The following SEPTIN9 variants were observed in gnomAD, a reference collection of about 807,000 sequenced individuals.
The protein encoded by SEPTIN9 is septin 9.
Under a neutral mutation model 56.6 loss-of-function variants are expected in SEPTIN9, and 13 were observed. That is an observed-to-expected ratio of 0.23 (90% CI 0.15 to 0.37). SEPTIN9 has a LOEUF of 0.37. Ranked by LOEUF, SEPTIN9 falls within the 10% of genes least tolerant of loss-of-function variation. SEPTIN9 has a pLI of 1.00. For missense variants in SEPTIN9, 650 were observed against 823.1 expected (o/e 0.79, Z 2.57); for synonymous variants, 332 against 334.1 (o/e 0.99, Z 0.07).
rs73369794 is a variant in SEPTIN9, at chr17:77,310,465, C to T, written c.76+3268C>T. Among the ~76,000 whole-genome samples, 5,570 of 146,382 alleles carry T rather than the reference C, an allele frequency of 0.038. 234 individuals carry two copies. Among genetic ancestry groups the T allele is most frequent in the East Asian group, 0.15 (762 of 5,120 alleles). ...TGTAGATCCACGAAGCCTTGGTTCA[C>T]TTATTTTGGCAGCTAGCGAGTGTTC... On this transcript the variant is annotated intron_variant, in intron 2 of 11. Coordinates refer to ENST00000427177, the MANE Select transcript of SEPTIN9 (RefSeq NM_001113491.2). This position sits in a 1 kb window ranked among gnomAD's most constrained non-coding sequence, Gnocchi z 4.7.
At chr17:77,385,001 T>C (rs745382381) in intron 2 of SEPTIN9, among the ~76,000 whole-genome samples, 3 of 152,196 alleles carry the variant, frequency 2.0e-5, no homozygotes, top group Non-Finnish European at 4.4e-5. Context: ...TTTTCGGCTT[T>C]GTGCCTAAAT....
rs550073740 is a variant in SEPTIN9 at position 77,453,882 on chromosome 17, G to T, written c.722-28262G>T. 7 of 189,516 alleles carry T rather than the reference G, an allele frequency of 3.7e-5. No homozygotes were observed. Among genetic ancestry groups the T allele is most frequent in the Non-Finnish European group, 5.9e-5 (6 of 102,292 alleles). 11.7% of individuals were successfully genotyped at this position (189,516 alleles called of 1,614,324 possible). ...CCGTCCTTAGGAGCCCCTTCTCCCT[G>T]CCCCCAGGCCTGGTGCAGTGTGTGG... On this transcript the variant is annotated intron_variant, in intron 3 of 11. Transcript: ENST00000427177. The surrounding 1 kb of genome is among the most constrained non-coding windows in gnomAD (Gnocchi z 4.4).
At chr17:77,290,814 C>CATAAATAAATAA (rs71160222) in intron 1 of SEPTIN9, among the ~76,000 whole-genome samples, 3,548 of 141,444 alleles carry the variant, frequency 0.025, 59 homozygotes, top group Non-Finnish European at 0.034. Context: ...GACCCTGTCT[C>CATAAATAAATAA]ATAAATAAAT....
intron 3 of SEPTIN9, among the ~76,000 whole-genome samples, chr17:77,440,184 T>G (rs1261768109): frequency 1.3e-5 from 2 of 152,182 alleles, no homozygotes; most frequent in Non-Finnish European, 1.5e-5. Flanking sequence ...AGATGGAGTC[T>G]CGCTCCGTCA....
intron 6 of SEPTIN9, 106 bp downstream of exon 6, chr17:77,488,427 C>G: frequency 9.4e-7 from 1 of 1,061,154 alleles, no homozygotes; most frequent in East Asian, 2.5e-5. Context: ...GTGCAGGGCC[C>G]ACCTCCTGGG....
rs780029243 is a variant in SEPTIN9, at chr17:77,497,323, A to G, written c.1582A>G (p.Thr528Ala). 24 of 1,613,716 alleles carry G rather than the reference A, an allele frequency of 1.5e-5. No individual in the cohort carries two copies. Among genetic ancestry groups the G allele is most frequent in the Non-Finnish European group, 1.9e-5 (22 of 1,179,822 alleles). The change falls in exon 11 of 12, where the codon ACC (threonine) becomes GCC (alanine). Residue 528 changes from threonine to alanine, a missense_variant. Coordinates refer to ENST00000427177, the MANE Select transcript of SEPTIN9 (RefSeq NM_001113491.2). Reference protein sequence around the residue: ...TKWGTIEVENTTHCEFAYLRD... With the variant: ...TKWGTIEVENATHCEFAYLRD... Reference sequence around the variant, plus strand: ...CCTGTCTCCTCTCCTAGTTGAAAACACCACACACTGTGAGTTTGCCTACCT... The same window carrying G: ...CCTGTCTCCTCTCCTAGTTGAAAACGCCACACACTGTGAGTTTGCCTACCT...
Position 77,500,565 on chromosome 17 carries a change from GAAAT to G in SEPTIN9, c.*1912_*1915del. The G allele has an allele frequency of 5.2e-6, 1 of 191,880 alleles. No homozygotes were observed. The highest frequency in any genetic ancestry group is 1.1e-5 in the Non-Finnish European group (1 of 91,358). 11.9% of individuals were successfully genotyped at this position (191,880 alleles called of 1,614,324 possible). On this transcript the variant is annotated 3_prime_UTR_variant, in exon 12 of 12. Transcript: ENST00000427177. ...ACAAAGTGTTGAAAATGTATTTCCT[GAAAT>G]AAATGTTTCAAATGCAGAAACCCAG...
In SEPTIN9 at chr17:77,372,512, C is replaced by T. The variant is rs956867948; in HGVS notation, c.77-29547C>T. 3.3e-5 allele frequency among the ~76,000 whole-genome samples: 5 copies of T among 152,224 alleles called. 1 individual carries two copies. Among genetic ancestry groups the T allele is most frequent in the African/African-American group, 1.2e-4 (5 of 41,458 alleles). ...AGCTCCCTTTCTGCTCACTCACTGC[C>T]TAGCTCCTTCCTTCACACCTTCCTT... On this transcript the variant is annotated intron_variant, in intron 2 of 11. Coordinates refer to ENST00000427177, the MANE Select transcript of SEPTIN9 (RefSeq NM_001113491.2).
chr17:77,487,812 TGGCTGGGGATG>T lies in SEPTIN9; in HGVS notation c.1042+272_1042+282del, dbSNP rs752525586. Among the ~76,000 whole-genome samples, 23 of 151,840 alleles carry T rather than the reference TGGCTGGGGATG, an allele frequency of 1.5e-4. No individual in the cohort carries two copies. Among genetic ancestry groups the T allele is most frequent in the Non-Finnish European group, 2.9e-4 (20 of 67,934 alleles). ...GGTCAAGACCATCACACACGGTCAG[TGGCTGGGGATG>T]GGCTGGGGATGTGGGATACCCATGC... On this transcript the variant is annotated intron_variant, in intron 5 of 11. Transcript: ENST00000427177. This position sits in a 1 kb window ranked among gnomAD's most constrained non-coding sequence, Gnocchi z 4.3.
chr17:77,287,280 A>C (rs1186372195), intron 1 of SEPTIN9, among the ~76,000 whole-genome samples: 4 of 152,148 alleles, frequency 2.6e-5, no homozygotes, highest in Non-Finnish European at 5.9e-5. Context: ...GGGAGCAGTG[A>C]AGTGCCCCCG....
chr17:77,460,659 T>TTGGG (rs2038428808), intron 3 of SEPTIN9, among the ~76,000 whole-genome samples: 1 of 152,122 alleles, frequency 6.6e-6, no homozygotes, highest in Non-Finnish European at 1.5e-5. Flanking sequence ...GGGGCTCCTG[T>TTGGG]GGTCATTTCC....
intron 1 of SEPTIN9, among the ~76,000 whole-genome samples, chr17:77,304,644 A>G (rs1171147946): frequency 2.0e-5 from 3 of 152,244 alleles, no homozygotes; most frequent in Non-Finnish European, 4.4e-5. Context: ...ATCCTCAGGA[A>G]CGTGTGTCCT....
chr17:77,316,278 T>TA (rs1228304128), intron 2 of SEPTIN9, among the ~76,000 whole-genome samples: 6 of 152,156 alleles, frequency 3.9e-5, no homozygotes, highest in Non-Finnish European at 7.3e-5. Context: ...CTGCTGGCCT[T>TA]ACCTCACCAC....
intron 2 of SEPTIN9, 35 bp downstream of exon 2, chr17:77,307,232 T>C: frequency 6.3e-7 from 1 of 1,581,496 alleles, no homozygotes; most frequent in Non-Finnish European, 8.7e-7. Flanking sequence ...CCCACCCAGC[T>C]CATGGGTGTG....
Position 77,319,373 on chromosome 17 carries a change from G to C in SEPTIN9, c.76+12176G>C, listed in dbSNP as rs999741764. 1.7e-5 allele frequency: 4 copies of C among 232,164 alleles called. No individual in the cohort carries two copies. Among genetic ancestry groups the C allele is most frequent in the Non-Finnish European group, 3.0e-5 (4 of 132,144 alleles). 14.4% of individuals were successfully genotyped at this position (232,164 alleles called of 1,614,324 possible). On this transcript the variant is annotated intron_variant, in intron 2 of 11. Coordinates refer to ENST00000427177, the MANE Select transcript of SEPTIN9 (RefSeq NM_001113491.2). The surrounding 1 kb of genome is among the most constrained non-coding windows in gnomAD (Gnocchi z 5.3). Reference sequence around the variant, plus strand: ...AGTGGGGAACAGCACTGATCCCCCAGTGGGGCCCCGAGTTCCCGGAGAGGA... The same window carrying C: ...AGTGGGGAACAGCACTGATCCCCCACTGGGGCCCCGAGTTCCCGGAGAGGA...
chr17:77,309,135 CCCCCA>C (rs2032382976), intron 2 of SEPTIN9, among the ~76,000 whole-genome samples: 1 of 152,234 alleles, frequency 6.6e-6, no homozygotes, highest in East Asian at 1.9e-4. Context: ...TGGGGAGGGT[CCCCCA>C]GTTCTTGTGG....
intron 2 of SEPTIN9, among the ~76,000 whole-genome samples, chr17:77,338,344 T>C (rs761868661): frequency 1.3e-5 from 2 of 152,236 alleles, no homozygotes; most frequent in African/African-American, 2.4e-5. Flanking sequence ...TCTGCCTCAA[T>C]GTTGATGGCT....
At chr17:77,316,813 CCTT>C (rs930115603) in intron 2 of SEPTIN9, among the ~76,000 whole-genome samples, 4 of 151,994 alleles carry the variant, frequency 2.6e-5, no homozygotes, top group Non-Finnish European at 5.9e-5. Context: ...TTCAAGCAAT[CCTT>C]CCGCCGCAGC....
chr17:77,428,839 C>T (rs2037014041), intron 3 of SEPTIN9: 2 of 380,598 alleles, frequency 5.3e-6, no homozygotes, highest in Non-Finnish European at 1.1e-5. Context: ...AGGTTAGAGC[C>T]ACCCATGGGT....
Sources: gnomAD v4.1 joint callset for allele counts (sites outside exome capture counted in the v4.1 genomes callset) on GRCh38, gnomAD v4.1.1 for gene constraint, Gnocchi (gnomAD v3.1) non-coding constraint, MANE v1.5 for transcripts, NCBI Gene and HGNC (gene_info 2026-07-23, HGNC 2026-07-21) for gene names.